PLXDC2: variants seen among roughly 807,000 people sequenced by gnomAD.
PLXDC2 encodes the protein plexin domain containing 2.
A neutral mutation model predicts 68.9 loss-of-function variants in PLXDC2; 40 were observed. The observed-to-expected ratio is 0.58, with a 90% confidence interval of 0.45 to 0.76. The LOEUF (loss-of-function observed/expected upper bound fraction) is 0.76. Ranked by LOEUF, PLXDC2 falls within the 30% of genes least tolerant of loss-of-function variation. The pLI is 0.00. For synonymous variants in PLXDC2, 243 were observed against 234.2 expected (o/e 1.04, Z -0.34); for missense variants, 644 against 661.9 (o/e 0.97, Z 0.30).
At chr10:20,010,000 C>G (rs746367848) in intron 2 of PLXDC2, among the ~76,000 whole-genome samples, 14 of 151,990 alleles carry the variant, frequency 9.2e-5, no homozygotes, top group Non-Finnish European at 1.3e-4. Flanking sequence ...AGGGGAAAGG[C>G]TGTGGATGAG....
At chr10:19,854,945 T>G (rs1191755278) in intron 1 of PLXDC2, among the ~76,000 whole-genome samples, 1 of 152,260 alleles carries the variant, frequency 6.6e-6, no homozygotes, top group Non-Finnish European at 1.5e-5. Context: ...CAGCATTCAT[T>G]TAAAATATTT....
At chr10:20,006,838 G>T (rs1302383293) in intron 2 of PLXDC2, among the ~76,000 whole-genome samples, 1 of 152,208 alleles carries the variant, frequency 6.6e-6, no homozygotes, top group Admixed American at 6.5e-5. Context: ...GAAGCCAACT[G>T]TATATCCTGT....
chr10:20,218,614 C>T (rs954177028), intron 11 of PLXDC2, among the ~76,000 whole-genome samples: 28 of 152,030 alleles, frequency 1.8e-4, no homozygotes, highest in Admixed American at 1.4e-3. Flanking sequence ...TCTTTTCTAG[C>T]AATGGGTAAA....
At chr10:19,920,911 T>C (rs1320680594) in intron 1 of PLXDC2, among the ~76,000 whole-genome samples, 1 of 151,898 alleles carries the variant, frequency 6.6e-6, no homozygotes, top group Admixed American at 6.6e-5. Context: ...TGATTTTTAT[T>C]ATTTTTATTA....
At chr10:20,009,749 G>T (rs569138945) in intron 2 of PLXDC2, among the ~76,000 whole-genome samples, 2 of 149,284 alleles carry the variant, frequency 1.3e-5, no homozygotes, top group Non-Finnish European at 3.0e-5. Context: ...TAGATAGCGT[G>T]TTTTACACAG....
At chr10:19,993,380 A>G (rs1834783309) in intron 1 of PLXDC2, among the ~76,000 whole-genome samples, 1 of 152,248 alleles carries the variant, frequency 6.6e-6, no homozygotes, top group Non-Finnish European at 1.5e-5. Flanking sequence ...AAACCGTTAC[A>G]TTTTAAAAGT....
intron 4 of PLXDC2, among the ~76,000 whole-genome samples, chr10:20,118,018 CTCTT>C (rs1483200184): frequency 6.6e-6 from 1 of 152,030 alleles, no homozygotes; most frequent in East Asian, 1.9e-4. Flanking sequence ...AACATGCCAT[CTCTT>C]TCTGTCTCCG....
At chr10:20,189,504 T>TATATATATATATATATACAC (rs1554773611) in intron 9 of PLXDC2, among the ~76,000 whole-genome samples, 10 of 121,584 alleles carry the variant, frequency 8.2e-5, no homozygotes, top group African/African-American at 2.7e-4. Flanking sequence ...TATATATATA[T>TATATATATATATATATACAC]ACACATACAC....
At chr10:20,151,794 C>T (rs545521293) in intron 6 of PLXDC2, among the ~76,000 whole-genome samples, 22 of 152,110 alleles carry the variant, frequency 1.4e-4, no homozygotes, top group African/African-American at 5.1e-4. Flanking sequence ...CCTGTCCAAG[C>T]TAAACTTGCC....
intron 1 of PLXDC2, among the ~76,000 whole-genome samples, chr10:19,890,849 C>A (rs1297626767): frequency 6.6e-6 from 1 of 152,016 alleles, no homozygotes. Flanking sequence ...TAATGTATTT[C>A]TCTCAGTGAT....
At chr10:20,225,725 T>A (rs1021420093) in intron 12 of PLXDC2, among the ~76,000 whole-genome samples, 1 of 152,216 alleles carries the variant, frequency 6.6e-6, no homozygotes, top group Admixed American at 6.5e-5. Context: ...AATTGTTATT[T>A]TATTATTCCA....
chr10:19,874,823 AC>A (rs1564615986), intron 1 of PLXDC2, among the ~76,000 whole-genome samples: 1 of 152,026 alleles, frequency 6.6e-6, no homozygotes. Context: ...TGTCTAGGGG[AC>A]CCGGGGGATA....
intron 1 of PLXDC2, among the ~76,000 whole-genome samples, chr10:19,927,091 C>G (rs1263781727): frequency 2.0e-5 from 3 of 152,164 alleles, no homozygotes; most frequent in African/African-American, 7.2e-5. Context: ...CTTATTCATT[C>G]AGTCATTTAT....
intron 1 of PLXDC2, among the ~76,000 whole-genome samples, chr10:19,993,573 C>G (rs994552774): frequency 2.0e-5 from 3 of 152,156 alleles, no homozygotes; most frequent in Non-Finnish European, 2.9e-5. Context: ...GCATGCGCCA[C>G]CTCACCTGGC....
chr10:20,165,433 C>G (rs1023919782), intron 7 of PLXDC2, among the ~76,000 whole-genome samples: 8 of 152,040 alleles, frequency 5.3e-5, no homozygotes, highest in African/African-American at 1.9e-4. Context: ...CCCCTTTCCC[C>G]CCACCCCACA....
chr10:19,919,305 G>C (rs1423008055), intron 1 of PLXDC2, among the ~76,000 whole-genome samples: 3 of 152,060 alleles, frequency 2.0e-5, no homozygotes, highest in Non-Finnish European at 4.4e-5. Context: ...TTACAGTGTT[G>C]TTCTTATTTT....
intron 1 of PLXDC2, among the ~76,000 whole-genome samples, chr10:19,898,520 A>G (rs961428223): frequency 3.3e-5 from 5 of 152,244 alleles, no homozygotes; most frequent in African/African-American, 1.2e-4. Flanking sequence ...AACGAAAACT[A>G]ATTTTCATCT....
At chr10:19,891,416 T>G (rs2131360142) in intron 1 of PLXDC2, among the ~76,000 whole-genome samples, 1 of 150,934 alleles carries the variant, frequency 6.6e-6, no homozygotes, top group African/African-American at 2.4e-5. Context: ...CCCTTTTTTC[T>G]TCCACAATCT....
Position 19,816,964 on chromosome 10 carries a change from TC to T in PLXDC2, c.-114del. The T allele has an allele frequency of 1.4e-6, 1 of 706,590 alleles. No individual in the cohort carries two copies. Among genetic ancestry groups the T allele is most frequent in the East Asian group, 2.7e-5 (1 of 37,058 alleles). The allele number at this position is 706,590 out of a possible 1,614,324, so 43.8% of individuals were successfully genotyped here. A position where few individuals can be genotyped will look rare whatever the true frequency, so the allele number is the denominator to read the frequency against. On this transcript the variant is annotated 5_prime_UTR_variant, in exon 1 of 14. Transcript: ENST00000377252. The stretch of plus-strand genomic sequence containing the variant: ...AATCGCAGCGACATTTACAAAGGCC[TC>T]CGGGTCCTACCGAGACCGATCCGCA...
Sources: allele counts gnomAD v4.1 joint callset (sites outside exome capture counted in the v4.1 genomes callset), GRCh38; gene constraint gnomAD v4.1.1; transcripts MANE v1.5; gene names NCBI Gene and HGNC (gene_info 2026-07-23, HGNC 2026-07-21).